The following PTGR3 variants were observed in gnomAD, a reference collection of about 807,000 sequenced individuals.
PTGR3 encodes prostaglandin reductase 3, also known as zinc binding alcohol dehydrogenase domain containing 2.
chr18:75,202,516 G>A, the PTGR3 span, among the ~76,000 whole-genome samples: 1 of 152,126 alleles, frequency 6.6e-6, no homozygotes, highest in Non-Finnish European at 1.5e-5. Flanking sequence ...AATTAAACAA[G>A]TATTAGTTCA....
At chr18:75,201,429 T>G in the PTGR3 span, 160 of 1,609,632 alleles carry the variant, frequency 9.9e-5, no homozygotes, top group Middle Eastern at 1.6e-4. Flanking sequence ...CAGCTTACTG[T>G]TGACAGAGTG....
At chr18:75,205,424 T>A in the PTGR3 span, 79 of 985,320 alleles carry the variant, frequency 8.0e-5, no homozygotes, top group African/African-American at 5.9e-4. Context: ...CGCAGGATTC[T>A]AGTAATCCGA....
chr18:75,201,020 A>G, the PTGR3 span: 1 of 176,768 alleles, frequency 5.7e-6, no homozygotes, highest in Non-Finnish European at 1.2e-5. Context: ...GCATAAGACC[A>G]AATTCTCCCA....
chr18:75,198,609 C>G, the PTGR3 span: 1 of 152,086 alleles, frequency 6.6e-6, no homozygotes, highest in African/African-American at 2.4e-5. Context: ...TTTCTGCCTG[C>G]AAAACAGGCT....
chr18:75,197,006 T>C, the PTGR3 span: 3 of 152,218 alleles, frequency 2.0e-5, no homozygotes, highest in African/African-American at 7.2e-5. Flanking sequence ...ATCTGATACA[T>C]ATTATTAAAA....
chr18:75,203,908 G>A, the PTGR3 span, among the ~76,000 whole-genome samples: 1 of 152,220 alleles, frequency 6.6e-6, no homozygotes, highest in Non-Finnish European at 1.5e-5. Context: ...GAGCCAGCTG[G>A]AGCCCGTCTC....
At chr18:75,201,556 C>G in the PTGR3 span, 1 of 1,614,186 alleles carries the variant, frequency 6.2e-7, no homozygotes, top group Non-Finnish European at 8.5e-7. Context: ...CCAAGGTCCA[C>G]CTCACAAACC....
At chr18:75,202,114 C>A in the PTGR3 span, 1 of 1,614,102 alleles carries the variant, frequency 6.2e-7, no homozygotes, top group African/African-American at 1.3e-5. Flanking sequence ...TCGGGTTTCA[C>A]TGAGGGCACT....
chr18:75,197,328 G>A, the PTGR3 span: 1 of 152,134 alleles, frequency 6.6e-6, no homozygotes, highest in Non-Finnish European at 1.5e-5. Context: ...CATTCTCCAT[G>A]ATGTGCTTAT....
At chr18:75,202,478 T>G in the PTGR3 span, 1 of 682,520 alleles carries the variant, frequency 1.5e-6, no homozygotes, top group Non-Finnish European at 2.4e-6. Flanking sequence ...TTTGAGAAAA[T>G]TAGTCCTGCT....
At chr18:75,205,282 T>C in the PTGR3 span, 534,535 of 985,476 alleles carry the variant, frequency 0.54, 145,300 homozygotes, top group Middle Eastern at 0.61. Context: ...GGGCTCGGGA[T>C]GGGGAGCAGG....
the PTGR3 span, among the ~76,000 whole-genome samples, chr18:75,206,670 A>T: frequency 6.6e-6 from 1 of 152,196 alleles, no homozygotes; most frequent in Non-Finnish European, 1.5e-5. Flanking sequence ...GTCCCCTCCC[A>T]ACTCAAAAGA....
the PTGR3 span, among the ~76,000 whole-genome samples, chr18:75,203,705 C>T: frequency 3.9e-5 from 6 of 152,152 alleles, no homozygotes; most frequent in Non-Finnish European, 8.8e-5. Context: ...ATGAGTTTTG[C>T]TGGTTTCTTA....
chr18:75,208,413 C>A, the PTGR3 span: 1 of 990,420 alleles, frequency 1.0e-6, no homozygotes, highest in Non-Finnish European at 1.2e-6. Context: ...CTCCGAAGCA[C>A]GTTTACCTAA....
the PTGR3 span, chr18:75,201,995 C>A: frequency 6.2e-7 from 1 of 1,614,178 alleles, no homozygotes. Flanking sequence ...CAAACTGGCC[C>A]GTTCCCCCAG....
the PTGR3 span, chr18:75,208,879 G>A: frequency 7.1e-6 from 11 of 1,540,838 alleles, no homozygotes; most frequent in Admixed American, 2.0e-5. Context: ...CTCCGTCCCC[G>A]GGGAGCGGCA....
At chr18:75,201,376 C>G in the PTGR3 span, 1 of 1,515,690 alleles carries the variant, frequency 6.6e-7, no homozygotes. Context: ...CATAAAGTGC[C>G]CATTTTCTTT....
the PTGR3 span, chr18:75,196,515 C>T: frequency 6.6e-6 from 1 of 151,046 alleles, no homozygotes; most frequent in Admixed American, 6.6e-5. Context: ...ACCTGTAGTC[C>T]CAGCTACTCA....
chr18:75,204,773 G>A, the PTGR3 span, among the ~76,000 whole-genome samples: 3 of 152,100 alleles, frequency 2.0e-5, no homozygotes, highest in South Asian at 2.1e-4. Context: ...TCGGGCGGGG[G>A]CCCCGGCAGG....
Sources: gnomAD v4.1 joint callset for allele counts (sites outside exome capture counted in the v4.1 genomes callset) on GRCh38, gnomAD v4.1.1 for gene constraint, MANE v1.5 for transcripts, NCBI Gene and HGNC (gene_info 2026-07-23, HGNC 2026-07-21) for gene names.